The following SPOPL variants were observed in gnomAD, a reference collection of about 807,000 sequenced individuals.
SPOPL encodes the protein speckle type BTB/POZ protein like.
A neutral mutation model predicts 53.8 loss-of-function variants in SPOPL; 23 were observed. That is an observed-to-expected ratio of 0.43 (90% CI 0.31 to 0.61). The LOEUF (loss-of-function observed/expected upper bound fraction) is 0.61. Among genes scored for constraint, SPOPL ranks in the 20% least tolerant of loss-of-function variants. SPOPL has a pLI of 0.12. For synonymous variants in SPOPL, 164 were observed against 149.7 expected (o/e 1.10, Z -0.70); for missense variants, 442 against 466.9 (o/e 0.95, Z 0.49).
At chr2:138,555,662 A>T (rs983654583) in intron 5 of SPOPL, among the ~76,000 whole-genome samples, 4 of 152,306 alleles carry the variant, frequency 2.6e-5, no homozygotes, top group Non-Finnish European at 4.4e-5. Context: ...TTAGTTGGAA[A>T]ATTCAGATTT....
At chr2:138,542,283 A>G (rs1685088900) in intron 1 of SPOPL, among the ~76,000 whole-genome samples, 1 of 152,102 alleles carries the variant, frequency 6.6e-6, no homozygotes, top group South Asian at 2.1e-4. Flanking sequence ...CAATTCCAGG[A>G]TATCCTTGTT....
rs183311850 is a variant in SPOPL at position 138,536,075 on chromosome 2, A to T, written c.-60-14082A>T. On this transcript the variant is annotated intron_variant, in intron 1 of 10. Coordinates refer to ENST00000280098, the MANE Select transcript of SPOPL (RefSeq NM_001001664.3). Reference sequence around the variant, plus strand: ...TAATTATGATTTCCTTTAGTTCTTTACACATACTTATTAATGGCTATTTGG... The same window carrying T: ...TAATTATGATTTCCTTTAGTTCTTTTCACATACTTATTAATGGCTATTTGG... Among the ~76,000 whole-genome samples, 14 of 152,168 alleles carry T rather than the reference A, an allele frequency of 9.2e-5. No individual in the cohort carries two copies. The East Asian group carries it at 2.1e-3, about 23-fold the overall frequency.
chr2:138,523,021 A>G (rs951605392), intron 1 of SPOPL, among the ~76,000 whole-genome samples: 3 of 152,256 alleles, frequency 2.0e-5, no homozygotes, highest in Non-Finnish European at 2.9e-5. Flanking sequence ...TACCACAGCC[A>G]TGCACATAAA....
At position 138,541,055 on chromosome 2, in the gene SPOPL, G is replaced by C. The variant is rs531744710; in HGVS notation, c.-60-9102G>C. On this transcript the variant is annotated intron_variant, in intron 1 of 10. Coordinates refer to ENST00000280098, the MANE Select transcript of SPOPL (RefSeq NM_001001664.3). Reference sequence around the variant, plus strand: ...TATGCTGGATTACGTTTATTGATTTGCATATGTTGAAGCAGCTTTGCAACC... The same window carrying C: ...TATGCTGGATTACGTTTATTGATTTCCATATGTTGAAGCAGCTTTGCAACC... 6.9e-4 allele frequency among the ~76,000 whole-genome samples: 105 copies of C among 152,176 alleles called. 3 individuals are homozygous for C. In the South Asian group the frequency reaches 0.021, roughly 31 times the overall value.
chr2:138,549,869 AT>A (rs1257007476), intron 1 of SPOPL, among the ~76,000 whole-genome samples: 3 of 152,114 alleles, frequency 2.0e-5, no homozygotes, highest in Non-Finnish European at 4.4e-5. Context: ...TTGTGATTTT[AT>A]GTATATGCTC....
At chr2:138,568,731 A>G (rs1315096505) in intron 10 of SPOPL, among the ~76,000 whole-genome samples, 50 of 152,202 alleles carry the variant, frequency 3.3e-4, no homozygotes, top group Non-Finnish European at 8.8e-5. Context: ...AGGGAGCCGA[A>G]CTTCCAGAAA....
intron 8 of SPOPL, among the ~76,000 whole-genome samples, chr2:138,562,783 C>CAAAAAA (rs35397774): frequency 4.7e-5 from 3 of 64,140 alleles, no homozygotes; most frequent in African/African-American, 5.2e-5. Flanking sequence ...GATTCCATCT[C>CAAAAAA]AAAAAAAAAA....
chr2:138,538,466 C>T (rs1028862428), intron 1 of SPOPL, among the ~76,000 whole-genome samples: 3 of 152,142 alleles, frequency 2.0e-5, no homozygotes, highest in South Asian at 2.1e-4. Flanking sequence ...CTTTGTCTCT[C>T]ATAACAATTT....
Position 138,570,734 on chromosome 2 carries a change from C to G in SPOPL, c.*1654C>G, listed in dbSNP as rs371049600. ...GAAAAAATGAAGCTTGAGGTGTTTT[C>G]AAATAGACCTTATTTTTGCTATCTC... On this transcript the variant is annotated 3_prime_UTR_variant, in exon 11 of 11. Coordinates refer to ENST00000280098, the MANE Select transcript of SPOPL (RefSeq NM_001001664.3). 3.9e-5 allele frequency: 6 copies of G among 152,106 alleles called. No homozygotes were observed. The East Asian group carries it at 7.7e-4, about 20-fold the overall frequency. 9.4% of individuals were successfully genotyped at this position (152,106 alleles called of 1,614,324 possible). A position where few individuals can be genotyped will look rare whatever the true frequency, so the allele number is the denominator to read the frequency against.
chr2:138,519,274 G>C (rs1409130588), intron 1 of SPOPL, among the ~76,000 whole-genome samples: 1 of 152,016 alleles, frequency 6.6e-6, no homozygotes, highest in Admixed American at 6.5e-5. Flanking sequence ...GCATATCTTT[G>C]CTTACTTTCT....
chr2:138,507,256 G>A (rs572557871), intron 1 of SPOPL, among the ~76,000 whole-genome samples: 7 of 152,036 alleles, frequency 4.6e-5, no homozygotes, highest in African/African-American at 1.7e-4. Flanking sequence ...GAGTTCAGAC[G>A]TGTTTTTAGT....
At chr2:138,543,685 C>G (rs1476009238) in intron 1 of SPOPL, among the ~76,000 whole-genome samples, 1 of 151,928 alleles carries the variant, frequency 6.6e-6, no homozygotes, top group Non-Finnish European at 1.5e-5. Flanking sequence ...TTTGAACTTC[C>G]TCCTTTAGCT....
Position 138,550,837 on chromosome 2 carries a change from C to G in SPOPL, c.201-66C>G, listed in dbSNP as rs1270973641. On this transcript the variant is annotated intron_variant, in intron 3 of 10. Coordinates refer to ENST00000280098, the MANE Select transcript of SPOPL (RefSeq NM_001001664.3). ...GTTCTCTCTCTCTCTTTCTCTCTCT[C>G]TCTCTCTCTCTCGAATGCTTTTCAA... 17 of 1,531,558 alleles carry G rather than the reference C, an allele frequency of 1.1e-5. No homozygotes were observed. The African/African-American group carries it at 2.1e-4, about 19-fold the overall frequency. 94.9% of individuals were successfully genotyped at this position (1,531,558 alleles called of 1,614,324 possible).
chr2:138,501,804 C>A lies in SPOPL; in HGVS notation c.-376C>A. On this transcript the variant is annotated 5_prime_UTR_variant, in exon 1 of 11. Transcript: ENST00000280098. ...CGCGGGCTGGAGCCGGGGCTGGAGT[C>A]GTAACTCGGAAGCCGGAGCCCAGAC... 6.6e-6 allele frequency: 1 copy of A among 150,896 alleles called. No individual in the cohort carries two copies. The highest frequency in any genetic ancestry group is 2.0e-4 in the South Asian group (1 of 5,104). The allele number at this position is 150,896 out of a possible 1,614,324, so 9.3% of individuals were successfully genotyped here. A position where few individuals can be genotyped will look rare whatever the true frequency, so the allele number is the denominator to read the frequency against.
In SPOPL at chr2:138,553,639, T is replaced by G. The variant is rs905471154; in HGVS notation, c.480+958T>G. Among the ~76,000 whole-genome samples, 3 of 152,138 alleles carry G rather than the reference T, an allele frequency of 2.0e-5. No individual in the cohort carries two copies. The East Asian group carries it at 5.8e-4, about 29-fold the overall frequency. On this transcript the variant is annotated intron_variant, in intron 5 of 10. Coordinates refer to ENST00000280098, the MANE Select transcript of SPOPL (RefSeq NM_001001664.3). ...TCTTGGCAAGATTACAAACTAATTGTATGACATTATGTCAGAAGAATAATT... is the reference window on the plus strand; with the variant it reads ...TCTTGGCAAGATTACAAACTAATTGGATGACATTATGTCAGAAGAATAATT...
chr2:138,526,520 ATATAT>A (rs1029893669), intron 1 of SPOPL, among the ~76,000 whole-genome samples: 25 of 152,254 alleles, frequency 1.6e-4, no homozygotes, highest in African/African-American at 6.0e-4. Context: ...TTTACAATAC[ATATAT>A]TAATATAGTG....
chr2:138,542,386 C>A (rs1273120448), intron 1 of SPOPL, among the ~76,000 whole-genome samples: 1 of 152,156 alleles, frequency 6.6e-6, no homozygotes, highest in African/African-American at 2.4e-5. Flanking sequence ...CTTTGTAGGT[C>A]TGTAAGGACT....
At position 138,551,365 on chromosome 2, in the gene SPOPL, C is replaced by A. The variant is rs922267844; in HGVS notation, c.352+311C>A. 2.0e-5 allele frequency among the ~76,000 whole-genome samples: 3 copies of A among 152,110 alleles called. No homozygotes were observed. In the East Asian group the frequency reaches 5.8e-4, roughly 29 times the overall value. On this transcript the variant is annotated intron_variant, in intron 4 of 10. Coordinates refer to ENST00000280098, the MANE Select transcript of SPOPL (RefSeq NM_001001664.3). ...GGTTCAGTGCTTGGCATATATAATACGTGCTCAGGAAGCATTTCTCTCTTG... is the reference window on the plus strand; with the variant it reads ...GGTTCAGTGCTTGGCATATATAATAAGTGCTCAGGAAGCATTTCTCTCTTG...
Position 138,559,131 on chromosome 2 carries a change from C to T in SPOPL, c.590C>T (p.Thr197Ile). 1 of 1,613,776 alleles carries T rather than the reference C, an allele frequency of 6.2e-7. No individual in the cohort carries two copies. Reference protein sequence around the residue: ...AEDLGNLWENTRFTDCSFFVR... With the variant: ...AEDLGNLWENIRFTDCSFFVR... ...GATTTAGGTAATCTCTGGGAAAACACAAGATTTACAGACTGCAGTTTTTTC... is the reference window on the plus strand; with the variant it reads ...GATTTAGGTAATCTCTGGGAAAACATAAGATTTACAGACTGCAGTTTTTTC... The change falls in exon 6 of 11, where the codon ACA becomes ATA. Residue 197 changes from threonine to isoleucine, a missense_variant. Thr to Ile is a moderately conservative substitution (Grantham distance 89). Transcript: ENST00000280098.
Sources: allele counts gnomAD v4.1 joint callset (sites outside exome capture counted in the v4.1 genomes callset), GRCh38; gene constraint gnomAD v4.1.1; transcripts MANE v1.5; gene names NCBI Gene and HGNC (gene_info 2026-07-23, HGNC 2026-07-21).